CAMTA1: variants seen among roughly 807,000 people sequenced by gnomAD.
CAMTA1 encodes calmodulin-binding transcription activator 1.
In CAMTA1, 27 loss-of-function variants were observed where a neutral mutation model predicts 170.9. That is an observed-to-expected ratio of 0.16 (90% confidence interval 0.12 to 0.22). The LOEUF is 0.22. Among genes scored for constraint, CAMTA1 ranks in the 10% least tolerant of loss-of-function variants. CAMTA1 has a pLI of 1.00. For synonymous variants in CAMTA1, 833 were observed against 891.5 expected, an observed-to-expected ratio of 0.93 and a Z score of 1.17; for missense variants, 1,619 against 2,217.2, an observed-to-expected ratio of 0.73 and a Z score of 5.42.
At chr1:7,637,617 A>T (rs1000330276) in intron 6 of CAMTA1, among the ~76,000 whole-genome samples, 3 of 152,192 alleles carry the variant, frequency 2.0e-5, no homozygotes, top group Non-Finnish European at 4.4e-5. Flanking sequence ...TGGAGATGAG[A>T]CAGTACTTAG....
At chr1:6,790,462 G>C (rs1223016831) in intron 1 of CAMTA1, among the ~76,000 whole-genome samples, 1 of 151,636 alleles carries the variant, frequency 6.6e-6, no homozygotes, top group Non-Finnish European at 1.5e-5. Flanking sequence ...ATAACTTTTA[G>C]GTTGTTTAGA....
chr1:6,883,626 CAGT>C (rs1229201509), intron 3 of CAMTA1, among the ~76,000 whole-genome samples: 3 of 151,974 alleles, frequency 2.0e-5, no homozygotes, highest in Admixed American at 2.0e-4. Context: ...AGCTGAGGGT[CAGT>C]AAGAGGTCAT....
At chr1:7,270,285 A>ATTTTTT (rs1231590647) in intron 5 of CAMTA1, among the ~76,000 whole-genome samples, 1 of 115,100 alleles carries the variant, frequency 8.7e-6, no homozygotes, top group African/African-American at 4.1e-5. Context: ...ATATATATAT[A>ATTTTTT]TATATATTTT....
rs116617556 is a variant in CAMTA1 at position 7,524,213 on chromosome 1, A to C, written c.510+56312A>C. On this transcript the variant is annotated intron_variant, in intron 6 of 22. Transcript: ENST00000303635. ...TGCCCAGGAGACTCTGTCTCCACAC[A>C]CACAAAAAAGAATTTCATTTTCTTT... Among the ~76,000 whole-genome samples, 1,214 of 152,282 alleles carry C rather than the reference A, an allele frequency of 8.0e-3. 14 individuals carry two copies. The highest frequency in any genetic ancestry group is 0.028 in the African/African-American group (1,159 of 41,560).
At chr1:7,197,082 C>T (rs919561783) in intron 4 of CAMTA1, among the ~76,000 whole-genome samples, 2 of 152,142 alleles carry the variant, frequency 1.3e-5, no homozygotes, top group Non-Finnish European at 2.9e-5. Flanking sequence ...TTCACACACA[C>T]GGGTCATCTG....
intron 3 of CAMTA1, among the ~76,000 whole-genome samples, chr1:7,017,262 C>T (rs1700697386): frequency 2.0e-5 from 3 of 152,214 alleles, no homozygotes; most frequent in African/African-American, 4.8e-5. Flanking sequence ...GCTTAAGTTG[C>T]TTCCCCTTTC....
rs1321486322 is a variant in CAMTA1, at chr1:7,510,184, A to G, written c.510+42283A>G. The stretch of plus-strand genomic sequence containing the variant: ...CCCCGTTTTCATTAAAGGGCAAGCT[A>G]CCAAGGGTCACCTGTTTGGGATATT... On this transcript the variant is annotated intron_variant, in intron 6 of 22. Coordinates refer to ENST00000303635, the MANE Select transcript of CAMTA1 (RefSeq NM_015215.4). Among the ~76,000 whole-genome samples, 7 of 137,624 alleles carry G rather than the reference A, an allele frequency of 5.1e-5. 2 individuals are homozygous for G. The highest frequency in any genetic ancestry group is 1.1e-4 in the Non-Finnish European group (7 of 61,762). 90.3% of individuals were successfully genotyped at this position (137,624 alleles called of 152,430 possible).
chr1:7,225,196 T>C (rs1172711802), intron 4 of CAMTA1, among the ~76,000 whole-genome samples: 1 of 152,174 alleles, frequency 6.6e-6, no homozygotes, highest in Non-Finnish European at 1.5e-5. Flanking sequence ...GCCATTCTCC[T>C]GCCTCAGCCT....
intron 3 of CAMTA1, among the ~76,000 whole-genome samples, chr1:7,016,877 C>T (rs555124136): frequency 1.1e-4 from 16 of 152,236 alleles, no homozygotes; most frequent in African/African-American, 3.6e-4. Flanking sequence ...GATTCATTGC[C>T]TCTCTGTATT....
At chr1:6,842,360 T>A (rs777734380) in intron 3 of CAMTA1, among the ~76,000 whole-genome samples, 16 of 152,170 alleles carry the variant, frequency 1.1e-4, no homozygotes, top group Non-Finnish European at 2.2e-4. Flanking sequence ...CTGCTCCTAG[T>A]CCAGTCAGTG....
intron 6 of CAMTA1, among the ~76,000 whole-genome samples, chr1:7,597,629 T>C (rs2095410316): frequency 6.6e-6 from 1 of 151,714 alleles, no homozygotes; most frequent in East Asian, 1.9e-4. Context: ...TTCTACAGAG[T>C]AGGTCAACGG....
intron 6 of CAMTA1, among the ~76,000 whole-genome samples, chr1:7,611,499 A>G (rs2095523430): frequency 1.3e-5 from 2 of 152,180 alleles, no homozygotes. Flanking sequence ...GAGGACCAGG[A>G]AGGAGAGGAT....
chr1:7,295,661 T>C (rs1673822353), intron 5 of CAMTA1, among the ~76,000 whole-genome samples: 1 of 152,156 alleles, frequency 6.6e-6, no homozygotes, highest in South Asian at 2.1e-4. Flanking sequence ...ATTTATCGAG[T>C]ACTTTCCATG....
chr1:6,802,726 GTCTC>G (rs1186294065), intron 1 of CAMTA1, among the ~76,000 whole-genome samples: 49 of 151,388 alleles, frequency 3.2e-4, no homozygotes, highest in African/African-American at 6.3e-4. Flanking sequence ...CTTTTTCTTT[GTCTC>G]TCTCTCTCTC....
intron 6 of CAMTA1, among the ~76,000 whole-genome samples, chr1:7,486,531 G>A (rs1325208694): frequency 6.6e-6 from 1 of 152,206 alleles, no homozygotes. Context: ...CCTGGGGCAA[G>A]TCATCTGTCG....
chr1:7,598,974 T>G (rs2095420961), intron 6 of CAMTA1, among the ~76,000 whole-genome samples: 1 of 152,246 alleles, frequency 6.6e-6, no homozygotes, highest in Admixed American at 6.5e-5. Context: ...TTGGCTTTTG[T>G]TGCCATTGCT....
chr1:7,417,216 A>C (rs1451228890), intron 5 of CAMTA1, among the ~76,000 whole-genome samples: 24 of 152,262 alleles, frequency 1.6e-4, no homozygotes, highest in Non-Finnish European at 2.9e-4. Context: ...TAGGCTGCTC[A>C]GGGGTCAGGG....
intron 6 of CAMTA1, among the ~76,000 whole-genome samples, chr1:7,498,034 C>G (rs2093859336): frequency 6.6e-6 from 1 of 151,926 alleles, no homozygotes; most frequent in Non-Finnish European, 1.5e-5. Flanking sequence ...CCAGTCCTTC[C>G]TGGAGAGTCC....
At position 7,007,217 on chromosome 1, in the gene CAMTA1, G is replaced by A. The variant is rs1437418627; in HGVS notation, c.235-84087G>A. Among the ~76,000 whole-genome samples the A allele has an allele frequency of 1.3e-5, 2 of 152,136 alleles. No homozygotes were observed. Among genetic ancestry groups the A allele is most frequent in the Admixed American group, 1.3e-4 (2 of 15,282 alleles). ...CTGATCACATAGGATCTCACGTGGG[G>A]AGCATCGACCAGGAGAGGGGTCCAC... On this transcript the variant is annotated intron_variant, in intron 3 of 22. Coordinates refer to ENST00000303635, the MANE Select transcript of CAMTA1 (RefSeq NM_015215.4). The surrounding 1 kb of genome is among the most constrained non-coding windows in gnomAD (Gnocchi z 4.5).
Sources: gnomAD v4.1 joint callset for allele counts (sites outside exome capture counted in the v4.1 genomes callset) on GRCh38, gnomAD v4.1.1 for gene constraint, Gnocchi (gnomAD v3.1) non-coding constraint, MANE v1.5 for transcripts, NCBI Gene and HGNC (gene_info 2026-07-23, HGNC 2026-07-21) for gene names.